Variants in TBCD observed in about 807,000 individuals in gnomAD.
TBCD encodes the protein tubulin-specific chaperone D.
A neutral mutation model predicts 169.3 loss-of-function variants in TBCD; 105 were observed. The ratio of observed to expected loss-of-function variants is 0.62; its 90% CI spans 0.53 to 0.73. The LOEUF (loss-of-function observed/expected upper bound fraction) is 0.73, where lower values mean the gene tolerates loss of function less well. Ranked by LOEUF, TBCD falls within the 30% of genes least tolerant of loss-of-function variation. TBCD has a pLI of 0.00. For synonymous variants in TBCD, 700 were observed against 643.9 expected, an observed-to-expected ratio of 1.09 and a Z score of -1.32; for missense variants, 1,444 against 1,600.1, an observed-to-expected ratio of 0.90 and a Z score of 1.66.
chr17:82,917,500 G>T (rs2061132398), intron 23 of TBCD, among the ~76,000 whole-genome samples: 1 of 152,118 alleles, frequency 6.6e-6, no homozygotes, highest in Non-Finnish European at 1.5e-5. Context: ...GTTTCTGAAG[G>T]ACGGTATATC....
chr17:82,924,908 G>A, intron 26 of TBCD, 31 bp from the exon 27 acceptor site: 1 of 1,525,396 alleles, frequency 6.6e-7, no homozygotes, highest in Non-Finnish European at 8.9e-7. Flanking sequence ...GCAGCAGAGG[G>A]CCTCTCTTCA....
intron 27 of TBCD, 87 bp from the exon 28 acceptor site, chr17:82,926,313 G>A: frequency 7.7e-7 from 1 of 1,291,024 alleles, no homozygotes; most frequent in Non-Finnish European, 1.1e-6. Context: ...TGTGGGGTCT[G>A]TGGCTCCGGG....
At chr17:82,855,292 A>T (rs1448537922) in intron 13 of TBCD, among the ~76,000 whole-genome samples, 1 of 114,234 alleles carries the variant, frequency 8.8e-6, no homozygotes, top group African/African-American at 3.4e-5. Flanking sequence ...AGCCAGGGTC[A>T]CTCTGTTGCT....
At chr17:82,866,932 T>C (rs2057214075) in intron 13 of TBCD, among the ~76,000 whole-genome samples, 1 of 152,174 alleles carries the variant, frequency 6.6e-6, no homozygotes, top group African/African-American at 2.4e-5. Context: ...GGCCATCAGT[T>C]TTCCCAGCAG....
rs1003736698 is a variant in TBCD, at chr17:82,876,871, C to T, written c.1475+6491C>T. ...TCTGTGTCCAAATTGCTGAGTACTG[C>T]CGGGAGAGGGAGCCGGGAGTGCCTG... On this transcript the variant is annotated intron_variant, in intron 14 of 38. Coordinates refer to ENST00000355528, the MANE Select transcript of TBCD (RefSeq NM_005993.5). 3 of 652,058 alleles carry T rather than the reference C, an allele frequency of 4.6e-6. No homozygotes were observed. In the African/African-American group the frequency reaches 5.9e-5, roughly 13 times the overall value. 40.4% of individuals were successfully genotyped at this position (652,058 alleles called of 1,614,324 possible). A position where few individuals can be genotyped will look rare whatever the true frequency, so the allele number is the denominator to read the frequency against.
chr17:82,939,287 C>T (rs2062917516), intron 36 of TBCD, 80 bp from the exon 37 acceptor site: 2 of 1,160,474 alleles, frequency 1.7e-6, no homozygotes, highest in Admixed American at 2.0e-5. Context: ...TGACGGGGCT[C>T]CCTGGCCTGG....
chr17:82,929,363 T>A lies in TBCD; in HGVS notation c.2854T>A (p.Ser952Thr). ...CTTGTCTCACTCACTCTCTTGCAGG[T>A]CCGATGTGGCCTCCGTGAACTGGAG... ...RGELEKLFPR[S>T]DVASVNWSAP... The change falls in exon 32 of 39, where the codon TCC becomes ACC. Residue 952 changes from serine to threonine, a missense_variant and splice_region_variant. By Grantham distance (58) the Ser-to-Thr change is moderately conservative. Coordinates refer to ENST00000355528, the MANE Select transcript of TBCD (RefSeq NM_005993.5). 1 of 1,612,454 alleles carries A rather than the reference T, an allele frequency of 6.2e-7. No homozygotes were observed. The highest frequency in any genetic ancestry group is 1.3e-5 in the African/African-American group (1 of 75,032).
rs2145631458 is a variant in TBCD, at chr17:82,850,080, G to GT, written c.1319-20143dup. Among the ~76,000 whole-genome samples, 2 of 34,690 alleles carry GT rather than the reference G, an allele frequency of 5.8e-5. 1 individual carries two copies. The highest frequency in any genetic ancestry group is 2.0e-4 in the African/African-American group (2 of 10,008). 22.8% of individuals were successfully genotyped at this position (34,690 alleles called of 152,430 possible). A position where few individuals can be genotyped will look rare whatever the true frequency, so the allele number is the denominator to read the frequency against. On this transcript the variant is annotated intron_variant, in intron 13 of 38. Coordinates refer to ENST00000355528, the MANE Select transcript of TBCD (RefSeq NM_005993.5). ...TGGCTGTGCTGCTGTTGGCTGTGCT[G>GT]TGCTGCTGTTGGCTGTGCTGCTGTT...
chr17:82,896,462 T>TG (rs201284751), intron 17 of TBCD, among the ~76,000 whole-genome samples: 14,814 of 146,402 alleles, frequency 0.1, 1,042 homozygotes, highest in South Asian at 0.29. Context: ...AGTTTTTTTT[T>TG]TTTTTTTTTT....
At chr17:82,766,518 C>T (rs1360203611) in intron 4 of TBCD, 150 bp downstream of exon 4, 1 of 568,120 alleles carries the variant, frequency 1.8e-6, no homozygotes, top group Non-Finnish European at 3.1e-6. Context: ...CTTTTCTTTT[C>T]ACTTTTCCTT....
At chr17:82,801,925 C>T (rs8081253) in intron 9 of TBCD, among the ~76,000 whole-genome samples, 43,728 of 141,936 alleles carry the variant, frequency 0.31, 7,245 homozygotes, top group Admixed American at 0.37. Context: ...TGTGTGTCGT[C>T]GTGTGGCTCG....
At position 82,930,128 on chromosome 17, in the gene TBCD, G is replaced by T; in HGVS notation, c.2992-394G>T. 1 of 280,310 alleles carries T rather than the reference G, an allele frequency of 3.6e-6. No individual in the cohort carries two copies. The highest frequency in any genetic ancestry group is 5.0e-5 in the Admixed American group (1 of 20,008). 17.4% of individuals were successfully genotyped at this position (280,310 alleles called of 1,614,324 possible). A position where few individuals can be genotyped will look rare whatever the true frequency, so the allele number is the denominator to read the frequency against. The stretch of plus-strand genomic sequence containing the variant: ...ACGTGAGGTGCCCTCTGCGCCGTGC[G>T]GGCGCGTGCGGGGAGACCCGGGCCA... On this transcript the variant is annotated intron_variant, in intron 32 of 38. Transcript: ENST00000355528. This position sits in a 1 kb window ranked among gnomAD's most constrained non-coding sequence, Gnocchi z 5.2.
In TBCD at chr17:82,782,934, G is replaced by A. The variant is rs1002528615; in HGVS notation, c.771+1213G>A. 6.7e-6 allele frequency among the ~76,000 whole-genome samples: 1 copy of A among 148,558 alleles called. No homozygotes were observed. Among genetic ancestry groups the A allele is most frequent in the East Asian group, 2.0e-4 (1 of 5,000 alleles). The stretch of plus-strand genomic sequence containing the variant: ...CGGTGTCGTCTTCCTGTCCATGGCG[G>A]CCTCCTGTCCGCGGTGCCCTCCTGT... On this transcript the variant is annotated intron_variant, in intron 7 of 38. Coordinates refer to ENST00000355528, the MANE Select transcript of TBCD (RefSeq NM_005993.5). The surrounding 1 kb of genome is among the most constrained non-coding windows in gnomAD (Gnocchi z 5.1).
rs2053701044 is a variant in TBCD, at chr17:82,833,588, C to T, written c.1318+18654C>T. 6.6e-6 allele frequency among the ~76,000 whole-genome samples: 1 copy of T among 152,202 alleles called. No individual in the cohort carries two copies. The highest frequency in any genetic ancestry group is 1.5e-5 in the Non-Finnish European group (1 of 68,040). On this transcript the variant is annotated intron_variant, in intron 13 of 38. Coordinates refer to ENST00000355528, the MANE Select transcript of TBCD (RefSeq NM_005993.5). The surrounding 1 kb of genome is among the most constrained non-coding windows in gnomAD (Gnocchi z 4.7). ...GCATTGTGAGACATGCTTTCACGGT[C>T]ACCCGGTTCCTGCTGGCCAGGAGGC...
At chr17:82,784,925 C>T (rs1014160752) in intron 7 of TBCD, among the ~76,000 whole-genome samples, 1 of 152,088 alleles carries the variant, frequency 6.6e-6, no homozygotes, top group Admixed American at 6.5e-5. Flanking sequence ...TGGACCCGAC[C>T]CATCGCAGCG....
intron 13 of TBCD, among the ~76,000 whole-genome samples, chr17:82,851,869 G>T (rs2055820929): frequency 6.6e-6 from 1 of 152,188 alleles, no homozygotes; most frequent in Non-Finnish European, 1.5e-5. Context: ...TAGACGTTCC[G>T]AGAGAAATGT....
intron 13 of TBCD, among the ~76,000 whole-genome samples, chr17:82,828,299 C>T (rs1244848415): frequency 7.0e-6 from 1 of 142,644 alleles, no homozygotes; most frequent in Admixed American, 7.1e-5. Context: ...CACAGGCACA[C>T]GTGCACACCC....
At chr17:82,901,726 C>T (rs1202783029) in intron 18 of TBCD, among the ~76,000 whole-genome samples, 2 of 152,148 alleles carry the variant, frequency 1.3e-5, no homozygotes, top group African/African-American at 4.8e-5. Context: ...GACTGGGAGC[C>T]TCTGGGAAAG....
At chr17:82,869,162 G>C (rs1035681618) in intron 13 of TBCD, among the ~76,000 whole-genome samples, 3 of 152,200 alleles carry the variant, frequency 2.0e-5, no homozygotes, top group Non-Finnish European at 4.4e-5. Flanking sequence ...GCTGTGTTCC[G>C]TTTTCTTTGT....
Sources: gnomAD v4.1 joint callset for allele counts (sites outside exome capture counted in the v4.1 genomes callset) on GRCh38, gnomAD v4.1.1 for gene constraint, Gnocchi (gnomAD v3.1) non-coding constraint, MANE v1.5 for transcripts, NCBI Gene and HGNC (gene_info 2026-07-23, HGNC 2026-07-21) for gene names.